NALCN: variants seen among roughly 807,000 people sequenced by gnomAD.
NALCN encodes sodium leak channel, non-selective.
Under a neutral mutation model 225.3 loss-of-function variants are expected in NALCN, and 111 were observed. The observed-to-expected ratio is 0.49, with a 90% CI of 0.42 to 0.58. NALCN has a LOEUF of 0.58. Among genes scored for constraint, NALCN ranks in the 20% least tolerant of loss-of-function variants. NALCN has a pLI of 0.00. For synonymous variants in NALCN, 764 were observed against 769.0 expected, an observed-to-expected ratio of 0.99 and a Z score of 0.11; for missense variants, 1,378 against 2,202.4, an observed-to-expected ratio of 0.63 and a Z score of 7.49.
intron 14 of NALCN, among the ~76,000 whole-genome samples, chr13:101,187,913 C>A (rs1444242806): frequency 6.6e-6 from 1 of 152,142 alleles, no homozygotes; most frequent in East Asian, 1.9e-4. Context: ...TGTATAACCA[C>A]TAAATTATAG....
chr13:101,155,353 T>C (rs368907356), intron 15 of NALCN, among the ~76,000 whole-genome samples: 3 of 152,234 alleles, frequency 2.0e-5, no homozygotes, highest in Admixed American at 6.5e-5. Context: ...TTGTCACATC[T>C]GAAGTTTCTC....
intron 20 of NALCN, among the ~76,000 whole-genome samples, chr13:101,109,585 C>T (rs1014907268): frequency 2.0e-5 from 3 of 152,182 alleles, no homozygotes; most frequent in African/African-American, 7.2e-5. Context: ...TCTCAAGTGC[C>T]ATCCTTGGCT....
chr13:101,183,934 A>G (rs1194267194), intron 14 of NALCN, among the ~76,000 whole-genome samples: 1 of 152,192 alleles, frequency 6.6e-6, no homozygotes, highest in Non-Finnish European at 1.5e-5. Context: ...TAAAAAAGAA[A>G]GCCAAATATC....
chr13:101,109,529 G>T lies in NALCN; in HGVS notation c.2364+1090C>A, dbSNP rs144538127. Among the ~76,000 whole-genome samples the T allele has an allele frequency of 3.5e-3, 528 of 152,280 alleles. 2 individuals carry two copies. Among genetic ancestry groups the T allele is most frequent in the Middle Eastern group, 0.017 (5 of 294 alleles). On this transcript the variant is annotated intron_variant, in intron 20 of 43. Transcript: ENST00000251127. ...GATAAGTGGTGAAAAAGAGAAAAAC[G>T]AAATAACCCCAAGGCTTTGCTAACT...
chr13:101,144,676 T>G (rs2037256585), intron 16 of NALCN, 84 bp downstream of exon 16: 1 of 1,438,262 alleles, frequency 7.0e-7, no homozygotes, highest in African/African-American at 1.4e-5. Flanking sequence ...CCACATATAC[T>G]TAAAAGAAGG....
At chr13:101,139,407 G>A (rs944814252) in intron 17 of NALCN, among the ~76,000 whole-genome samples, 1 of 152,200 alleles carries the variant, frequency 6.6e-6, no homozygotes, top group Non-Finnish European at 1.5e-5. Flanking sequence ...GAAAGAGAAA[G>A]GTGATTCCCT....
intron 30 of NALCN, among the ~76,000 whole-genome samples, chr13:101,088,674 C>A (rs116328938): frequency 1.2e-3 from 179 of 152,254 alleles, no homozygotes; most frequent in African/African-American, 3.9e-3. Context: ...CCAAAGACTG[C>A]GTCTCAAACA....
At chr13:101,345,762 A>T (rs2045704121) in intron 6 of NALCN, among the ~76,000 whole-genome samples, 2 of 130,624 alleles carry the variant, frequency 1.5e-5, no homozygotes, top group South Asian at 4.7e-4. Flanking sequence ...ATATATATAT[A>T]TATATATATT....
chr13:101,245,127 C>T (rs1594516035), intron 11 of NALCN, among the ~76,000 whole-genome samples: 1 of 152,308 alleles, frequency 6.6e-6, no homozygotes. Flanking sequence ...AGCCTGGCAG[C>T]CCTCCACTGC....
chr13:101,246,166 C>T (rs1166384611), intron 11 of NALCN, among the ~76,000 whole-genome samples: 1 of 152,146 alleles, frequency 6.6e-6, no homozygotes, highest in Non-Finnish European at 1.5e-5. Flanking sequence ...GGACAACTTG[C>T]AGTCGAGACC....
At chr13:101,400,291 T>C (rs774502930) in intron 1 of NALCN, among the ~76,000 whole-genome samples, 3 of 151,988 alleles carry the variant, frequency 2.0e-5, no homozygotes, top group Non-Finnish European at 4.4e-5. Context: ...TTGACTACAA[T>C]GTGTAAGGGG....
In NALCN at chr13:101,060,275, G is replaced by GTTTTTTTTTTTTTTTTTTTTT. The variant is rs771531599; in HGVS notation, c.4756-309_4756-308insAAAAAAAAAAAAAAAAAAAAA. 1.0e-4 allele frequency among the ~76,000 whole-genome samples: 8 copies of GTTTTTTTTTTTTTTTTTTTTT among 79,834 alleles called. 1 individual carries two copies. In the East Asian group the frequency reaches 1.3e-3, roughly 13 times the overall value. 52.4% of individuals were successfully genotyped at this position (79,834 alleles called of 152,430 possible). On this transcript the variant is annotated intron_variant, in intron 41 of 43. Coordinates refer to ENST00000251127, the MANE Select transcript of NALCN (RefSeq NM_052867.4). Reference sequence around the variant, plus strand: ...TTTCTTTTTGTTGTTGGTGTTTTCTGTTTTTTTTTTTTTTTTTTTAGATAG... The same window carrying GTTTTTTTTTTTTTTTTTTTTT: ...TTTCTTTTTGTTGTTGGTGTTTTCTGTTTTTTTTTTTTTTTTTTTTTTTTTTTTTTTTTTTTTTTTAGATAG...
At chr13:101,211,259 G>T (rs1440515384) in intron 13 of NALCN, among the ~76,000 whole-genome samples, 1 of 152,082 alleles carries the variant, frequency 6.6e-6, no homozygotes, top group East Asian at 1.9e-4. Flanking sequence ...AAATAGTTGG[G>T]AAATTGCAAA....
chr13:101,346,138 T>C (rs1365874054), intron 6 of NALCN, among the ~76,000 whole-genome samples: 1 of 147,954 alleles, frequency 6.8e-6, no homozygotes, highest in African/African-American at 2.5e-5. Flanking sequence ...ATTGTGTATG[T>C]GTATCTGAAT....
chr13:101,118,510 C>T (rs1339141809), intron 18 of NALCN, among the ~76,000 whole-genome samples: 1 of 152,096 alleles, frequency 6.6e-6, no homozygotes, highest in Non-Finnish European at 1.5e-5. Context: ...AAACATATAT[C>T]TACACATCTT....
intron 1 of NALCN, among the ~76,000 whole-genome samples, chr13:101,412,942 C>T (rs185248715): frequency 6.6e-6 from 1 of 152,080 alleles, no homozygotes; most frequent in East Asian, 1.9e-4. Context: ...TATAGTATTC[C>T]TATTTTGGCT....
intron 37 of NALCN, 106 bp from the exon 38 acceptor site, chr13:101,068,933 T>C (rs2032640753): frequency 8.1e-7 from 1 of 1,241,820 alleles, no homozygotes; most frequent in Admixed American, 3.3e-5. Flanking sequence ...TAGCATATAA[T>C]TAACTTCAAA....
intron 7 of NALCN, among the ~76,000 whole-genome samples, chr13:101,314,179 G>A (rs958126514): frequency 9.0e-6 from 1 of 110,876 alleles, no homozygotes; most frequent in Admixed American, 1.1e-4. Flanking sequence ...GGGGAGGGGG[G>A]AGGGATAGCA....
intron 41 of NALCN, among the ~76,000 whole-genome samples, chr13:101,060,449 A>ATTTTT (rs55697849): frequency 1.8e-4 from 17 of 93,684 alleles, no homozygotes; most frequent in East Asian, 9.5e-4. Context: ...TGGCTAATTA[A>ATTTTT]TTTTTTTTTT....
Sources: allele counts gnomAD v4.1 joint callset (sites outside exome capture counted in the v4.1 genomes callset), GRCh38; gene constraint gnomAD v4.1.1; transcripts MANE v1.5; gene names NCBI Gene and HGNC (gene_info 2026-07-23, HGNC 2026-07-21).